Variants in PRPF8 observed in about 807,000 individuals in gnomAD.
The protein encoded by PRPF8 is pre-mRNA-processing-splicing factor 8.
A neutral mutation model predicts 285.9 loss-of-function variants in PRPF8; 64 were observed. The observed-to-expected ratio is 0.22, with a 90% CI of 0.18 to 0.28. The LOEUF (loss-of-function observed/expected upper bound fraction) is 0.28. Among genes scored for constraint, PRPF8 ranks in the 10% least tolerant of loss-of-function variants. The pLI is 1.00. For synonymous variants in PRPF8, 1,325 were observed against 1,118.2 expected (o/e 1.18, Z -3.69); for missense variants, 1,426 against 3,026.7 (o/e 0.47, Z 12.41).
chr17:1,681,774 A>G (rs2151131823), intron 5 of PRPF8, 46 bp downstream of exon 5: 1 of 1,611,946 alleles, frequency 6.2e-7, no homozygotes, highest in Non-Finnish European at 8.5e-7. Context: ...CTCCTTCTGC[A>G]TTTCCAGAAC....
At chr17:1,683,324 C>T in intron 3 of PRPF8, 1 of 653,630 alleles carries the variant, frequency 1.5e-6, no homozygotes, top group South Asian at 1.8e-5. Context: ...ATCAACAGGA[C>T]AAATTAAAGC....
intron 3 of PRPF8, 96 bp downstream of exon 3, chr17:1,683,437 C>G: frequency 7.3e-7 from 1 of 1,363,346 alleles, no homozygotes; most frequent in Non-Finnish European, 1.1e-6. Flanking sequence ...TTATATCCAC[C>G]AAGATGAGCT....
intron 13 of PRPF8, among the ~76,000 whole-genome samples, chr17:1,678,212 G>A (rs547025482): frequency 6.6e-6 from 1 of 152,278 alleles, no homozygotes; most frequent in Admixed American, 6.5e-5. Context: ...CTACTTGGGA[G>A]GCTGAAGCAG....
chr17:1,651,322 A>C lies in PRPF8; in HGVS notation c.6651-12T>G, dbSNP rs1911046040. On this transcript the variant is annotated splice_polypyrimidine_tract_variant and intron_variant, in intron 41 of 42. Coordinates refer to ENST00000304992, the MANE Select transcript of PRPF8 (RefSeq NM_006445.4). The surrounding 1 kb of genome is among the most constrained non-coding windows in gnomAD (Gnocchi z 5.1). ...AGCCTGGCGTGAAGCTGGGGGAGGA[A>C]CGAGGACAGAGTAACAGCTCAGGCC... 1 of 1,614,108 alleles carries C rather than the reference A, an allele frequency of 6.2e-7. No individual in the cohort carries two copies. Among genetic ancestry groups the C allele is most frequent in the East Asian group, 2.2e-5 (1 of 44,884 alleles).
Position 1,680,976 on chromosome 17 carries a change from A to C in PRPF8, c.945T>G (p.Ala315=). Residue 315 remains alanine (A), a synonymous_variant, in exon 7 of 43, where the codon GCT becomes GCG. Transcript: ENST00000304992. ...RQPIRTEYKI[A]FPYLYNNLPH... is the part of the protein sequence containing the mutation. The stretch of plus-strand genomic sequence containing the variant: ...GAAGATTGTTGTACAAGTAAGGAAA[A>C]GCAATCTTGTACTCAGTGCGGATAG... 1 of 1,613,834 alleles carries C rather than the reference A, an allele frequency of 6.2e-7. No individual in the cohort carries two copies. Among genetic ancestry groups the C allele is most frequent in the Non-Finnish European group, 8.5e-7 (1 of 1,179,706 alleles).
At chr17:1,670,749 A>C (rs1483235105) in intron 24 of PRPF8, among the ~76,000 whole-genome samples, 3 of 152,066 alleles carry the variant, frequency 2.0e-5, no homozygotes, top group Admixed American at 6.6e-5. Context: ...GGCCTCCCAA[A>C]GTGCTGGGAT....
Position 1,650,645 on chromosome 17 carries a change from TTTA to T in PRPF8, c.*154_*156del, listed in dbSNP as rs757726601. 5 of 828,404 alleles carry T rather than the reference TTTA, an allele frequency of 6.0e-6. No individual in the cohort carries two copies. Among genetic ancestry groups the T allele is most frequent in the African/African-American group, 3.5e-5 (2 of 57,110 alleles). 51.3% of individuals were successfully genotyped at this position (828,404 alleles called of 1,614,324 possible). Reference sequence around the variant, plus strand: ...CCCCTGAACTCCTATTTATACAAAATTTATTATTATATTTTATTCAGGATGACA... The same window carrying T: ...CCCCTGAACTCCTATTTATACAAAATTTATTATATTTTATTCAGGATGACA... On this transcript the variant is annotated 3_prime_UTR_variant, in exon 43 of 43. Transcript: ENST00000304992.
rs748781515 is a variant in PRPF8, at chr17:1,650,679, T to G, written c.*123A>C. The G allele has an allele frequency of 2.7e-6, 3 of 1,093,290 alleles. No homozygotes were observed. Among genetic ancestry groups the G allele is most frequent in the Non-Finnish European group, 4.2e-6 (3 of 717,302 alleles). 67.7% of individuals were successfully genotyped at this position (1,093,290 alleles called of 1,614,324 possible). On this transcript the variant is annotated 3_prime_UTR_variant, in exon 43 of 43. Transcript: ENST00000304992. The stretch of plus-strand genomic sequence containing the variant: ...ATATTTTATTCAGGATGACAAGCCA[T>G]CAGGAGGTCAACAACACAAGCACAG...
At chr17:1,657,283 AAAG>A (rs1911434687) in intron 34 of PRPF8, among the ~76,000 whole-genome samples, 1 of 152,326 alleles carries the variant, frequency 6.6e-6, no homozygotes, top group African/African-American at 2.4e-5. Context: ...CTAGGAAGCT[AAAG>A]AAGAGTTAAT....
chr17:1,684,524 G>T lies in PRPF8; in HGVS notation c.48C>A (p.Gly16=), dbSNP rs774445104. Residue 16 remains glycine (G), a synonymous_variant, in exon 2 of 43, where the codon GGC becomes GGA. Coordinates refer to ENST00000304992, the MANE Select transcript of PRPF8 (RefSeq NM_006445.4). The stretch of plus-strand genomic sequence containing the variant: ...TGTAGTCCGGTAGCGGGGCTAGAGG[G>T]CCAGGCACCGGGTTACCCGGCCCTC... The part of the protein sequence containing the change: ...PYRGPGNPVP[G]PLAPLPDYMS... 6.2e-7 allele frequency: 1 copy of T among 1,612,604 alleles called. No individual in the cohort carries two copies. The highest frequency in any genetic ancestry group is 1.1e-5 in the South Asian group (1 of 91,082).
At position 1,680,513 on chromosome 17, in the gene PRPF8, C is replaced by T. The variant is rs545148985; in HGVS notation, c.1098+213G>A. ...TATCTAGAGCACCCAAGAAAAGAAC[C>T]GTAAAGTCCAAAAGGATAATCACAG... On this transcript the variant is annotated intron_variant, in intron 8 of 42. Coordinates refer to ENST00000304992, the MANE Select transcript of PRPF8 (RefSeq NM_006445.4). The T allele has an allele frequency of 1.0e-4, 64 of 622,996 alleles. No individual in the cohort carries two copies. In the South Asian group the frequency reaches 1.1e-3, roughly 10 times the overall value. The allele number at this position is 622,996 out of a possible 1,614,324, so 38.6% of individuals were successfully genotyped here.
In PRPF8 at chr17:1,661,715, G is replaced by A. The variant is rs1193879614; in HGVS notation, c.4098C>T (p.Pro1366=). ...GMSHEEDQLI[P]NLYRYIQPWE... ...ATGGCTGTATGTAGCGGTACAAGTTGGGAATGAGCTGGTCTTCTTCATGGC... is the reference window on the plus strand; with the variant it reads ...ATGGCTGTATGTAGCGGTACAAGTTAGGAATGAGCTGGTCTTCTTCATGGC... The change falls in exon 26 of 43, where the codon CCC becomes CCT. Residue 1366 remains proline (P), a synonymous_variant. Coordinates refer to ENST00000304992, the MANE Select transcript of PRPF8 (RefSeq NM_006445.4). This position sits in a 1 kb window ranked among gnomAD's most constrained non-coding sequence, Gnocchi z 7.3. 2 of 1,614,084 alleles carry A rather than the reference G, an allele frequency of 1.2e-6. No individual in the cohort carries two copies. Among genetic ancestry groups the A allele is most frequent in the Non-Finnish European group, 1.7e-6 (2 of 1,180,040 alleles).
Position 1,651,547 on chromosome 17 carries a change from C to T in PRPF8, c.6517G>A (p.Glu2173Lys). Reference sequence around the variant, plus strand: ...TGAGTGTGGATCCAACCTAAGGGTTCCATCTCCTATAGGTAAAGAGGAGTA... The same window carrying T: ...TGAGTGTGGATCCAACCTAAGGGTTTCATCTCCTATAGGTAAAGAGGAGTA... ...LPQHEYLKEM[E>K]PLGWIHTQPN... The change falls in exon 41 of 43, where the codon GAA becomes AAA. Residue 2173 changes from glutamate to lysine, a missense_variant. Glu to Lys is a moderately conservative substitution (Grantham distance 56). Transcript: ENST00000304992. The surrounding 1 kb of genome is among the most constrained non-coding windows in gnomAD (Gnocchi z 5.1). 6.2e-7 allele frequency: 1 copy of T among 1,614,052 alleles called. No homozygotes were observed. The highest frequency in any genetic ancestry group is 8.5e-7 in the Non-Finnish European group (1 of 1,180,008).
intron 2 of PRPF8, 37 bp downstream of exon 2, chr17:1,684,435 C>A: frequency 6.2e-7 from 1 of 1,610,228 alleles, no homozygotes; most frequent in South Asian, 1.1e-5. Context: ...ACCCGCCCCG[C>A]CTCCGGCCCG....
intron 1 of PRPF8, 93 bp downstream of exon 1, chr17:1,684,685 CAG>C: frequency 1.9e-6 from 2 of 1,058,064 alleles, no homozygotes; most frequent in South Asian, 2.7e-5. Flanking sequence ...TCCCGCCACA[CAG>C]TGCATCCAGC....
At chr17:1,672,691 G>A (rs113331058) in intron 24 of PRPF8, among the ~76,000 whole-genome samples, 2 of 152,312 alleles carry the variant, frequency 1.3e-5, no homozygotes, top group East Asian at 3.9e-4. Context: ...GAAGGTAAGT[G>A]AAGGAGAAAC....
In PRPF8 at chr17:1,681,534, ATT is replaced by A. The variant is rs762116659; in HGVS notation, c.808_809del (p.Asn270TyrfsTer10). On this transcript the variant is annotated frameshift_variant, in exon 6 of 43. Coordinates refer to ENST00000304992, the MANE Select transcript of PRPF8 (RefSeq NM_006445.4). LOFTEE classifies it high-confidence loss of function. ...ATTTGGGGCCTCCAGGAATGGCCAT[ATT>A]GAGTGCCTTGGACGTAAAGAAGGCC... Reference protein sequence around the residue: ...LKAFFTSKALNMAIPGGPKFE... With the variant: ...LKAFFTSKALXMAIPGGPKFE... The A allele has an allele frequency of 6.2e-7, 1 of 1,613,196 alleles. No homozygotes were observed. Among genetic ancestry groups the A allele is most frequent in the Non-Finnish European group, 8.5e-7 (1 of 1,179,238 alleles).
At chr17:1,663,936 G>A (rs536459981) in intron 24 of PRPF8, among the ~76,000 whole-genome samples, 5 of 152,156 alleles carry the variant, frequency 3.3e-5, no homozygotes, top group South Asian at 4.1e-4. Flanking sequence ...TAGTCAACTC[G>A]TTCAGAAGAC....
At position 1,659,800 on chromosome 17, in the gene PRPF8, A is replaced by C; in HGVS notation, c.4946+41T>G. On this transcript the variant is annotated intron_variant, in intron 31 of 42. Coordinates refer to ENST00000304992, the MANE Select transcript of PRPF8 (RefSeq NM_006445.4). This position sits in a 1 kb window ranked among gnomAD's most constrained non-coding sequence, Gnocchi z 5.1. ...CAGGGCTAGAAGAACAGGAAAACGAAAGTGTCCTGGCTGCCTAGGGCTGGG... is the reference window on the plus strand; with the variant it reads ...CAGGGCTAGAAGAACAGGAAAACGACAGTGTCCTGGCTGCCTAGGGCTGGG... 3 of 1,607,122 alleles carry C rather than the reference A, an allele frequency of 1.9e-6. No individual in the cohort carries two copies. Among genetic ancestry groups the C allele is most frequent in the Non-Finnish European group, 1.7e-6 (2 of 1,174,474 alleles).
Sources: gnomAD v4.1 joint callset for allele counts (sites outside exome capture counted in the v4.1 genomes callset) on GRCh38, gnomAD v4.1.1 for gene constraint, Gnocchi (gnomAD v3.1) non-coding constraint, MANE v1.5 for transcripts, NCBI Gene and HGNC (gene_info 2026-07-23, HGNC 2026-07-21) for gene names.